Variants in ATRNL1 observed in about 807,000 individuals in gnomAD.
The protein encoded by ATRNL1 is attractin-like protein 1.
ATRNL1 carries 95 observed loss-of-function variants against 182.7 expected under a neutral mutation model. The ratio of observed to expected loss-of-function variants is 0.52; its 90% CI spans 0.44 to 0.62. The LOEUF (loss-of-function observed/expected upper bound fraction) is 0.62. ATRNL1 is among the 20% of genes least tolerant of loss of function. ATRNL1 has a pLI of 0.00. For missense variants in ATRNL1, 1,471 were observed against 1,679.5 expected (o/e 0.88, Z 2.17); for synonymous variants, 576 against 568.3 (o/e 1.01, Z -0.19).
intron 26 of ATRNL1, among the ~76,000 whole-genome samples, chr10:115,687,173 T>TA (rs782746951): frequency 2.0e-5 from 3 of 152,138 alleles, no homozygotes; most frequent in Non-Finnish European, 4.4e-5. Flanking sequence ...CATTATGCTA[T>TA]AATTATACAT....
At chr10:115,386,526 C>T (rs1426614225) in intron 19 of ATRNL1, among the ~76,000 whole-genome samples, 3 of 152,052 alleles carry the variant, frequency 2.0e-5, no homozygotes, top group African/African-American at 7.2e-5. Flanking sequence ...TAGTGAGACT[C>T]GCATTTATTC....
chr10:115,902,388 G>A (rs969341660), intron 28 of ATRNL1, among the ~76,000 whole-genome samples: 2 of 152,120 alleles, frequency 1.3e-5, no homozygotes, highest in Non-Finnish European at 2.9e-5. Context: ...AAGCCGCATA[G>A]TGTGGATGGC....
intron 21 of ATRNL1, among the ~76,000 whole-genome samples, chr10:115,445,402 G>A (rs567472528): frequency 4.1e-5 from 5 of 120,546 alleles, no homozygotes; most frequent in African/African-American, 1.6e-4. Context: ...CTGCACTCCA[G>A]CCTGGGTGAC....
chr10:115,303,843 C>G (rs571968863), intron 17 of ATRNL1, among the ~76,000 whole-genome samples: 1 of 152,242 alleles, frequency 6.6e-6, no homozygotes, highest in African/African-American at 2.4e-5. Flanking sequence ...ATAACAGCCA[C>G]TTGGAGTCTG....
intron 27 of ATRNL1, among the ~76,000 whole-genome samples, chr10:115,762,983 T>C (rs1198509664): frequency 6.6e-6 from 1 of 152,162 alleles, no homozygotes; most frequent in Non-Finnish European, 1.5e-5. Context: ...TGATCAGCAC[T>C]TTTTATGGCA....
intron 1 of ATRNL1, among the ~76,000 whole-genome samples, chr10:115,103,182 C>T (rs1196621321): frequency 3.2e-4 from 49 of 151,522 alleles, no homozygotes; most frequent in Admixed American, 2.2e-3. Context: ...GGATTACGGG[C>T]GCCCATCATC....
chr10:115,639,177 A>G (rs1859075599), intron 26 of ATRNL1, among the ~76,000 whole-genome samples: 1 of 152,210 alleles, frequency 6.6e-6, no homozygotes. Flanking sequence ...ACATATTGAC[A>G]CCAATTTGAA....
intron 1 of ATRNL1, among the ~76,000 whole-genome samples, chr10:115,108,106 A>G (rs1271270795): frequency 1.3e-5 from 2 of 152,160 alleles, no homozygotes; most frequent in Admixed American, 6.5e-5. Context: ...TGTTCTTTAC[A>G]TATACAAACT....
At chr10:115,440,783 A>G (rs1195398636) in intron 21 of ATRNL1, among the ~76,000 whole-genome samples, 1 of 151,820 alleles carries the variant, frequency 6.6e-6, no homozygotes, top group Non-Finnish European at 1.5e-5. Context: ...GGGGAAAAAA[A>G]AATCATATAG....
chr10:115,587,220 CT>C (rs1855575806), intron 26 of ATRNL1, among the ~76,000 whole-genome samples: 1 of 151,960 alleles, frequency 6.6e-6, no homozygotes, highest in Non-Finnish European at 1.5e-5. Flanking sequence ...TGTCTGTGCC[CT>C]GCCCCCAGAG....
chr10:115,587,041 G>A (rs1555010192), intron 26 of ATRNL1, among the ~76,000 whole-genome samples: 3 of 149,798 alleles, frequency 2.0e-5, no homozygotes, highest in Non-Finnish European at 3.0e-5. Context: ...CCCCTACTGG[G>A]GGGTGCCTCC....
chr10:115,477,192 C>A (rs1330030284), intron 24 of ATRNL1, among the ~76,000 whole-genome samples: 4 of 151,418 alleles, frequency 2.6e-5, no homozygotes, highest in Non-Finnish European at 4.4e-5. Flanking sequence ...TTTCTTCTCC[C>A]AAAATGAAAT....
chr10:115,781,203 C>G (rs1949256769), intron 27 of ATRNL1, among the ~76,000 whole-genome samples: 1 of 152,138 alleles, frequency 6.6e-6, no homozygotes, highest in East Asian at 1.9e-4. Context: ...CAAGCATCAC[C>G]AAATCCAAGC....
At chr10:115,358,961 T>C (rs1326016866) in intron 19 of ATRNL1, among the ~76,000 whole-genome samples, 4 of 151,662 alleles carry the variant, frequency 2.6e-5, no homozygotes, top group Non-Finnish European at 5.9e-5. Flanking sequence ...TATTATATAG[T>C]TTTTACTTCA....
chr10:115,565,721 A>T (rs1053911176), intron 26 of ATRNL1, among the ~76,000 whole-genome samples: 2 of 152,130 alleles, frequency 1.3e-5, no homozygotes, highest in Admixed American at 1.3e-4. Context: ...CAAACTATGT[A>T]AGATTATAAT....
At chr10:115,576,685 G>A (rs547312939) in intron 26 of ATRNL1, among the ~76,000 whole-genome samples, 3 of 151,918 alleles carry the variant, frequency 2.0e-5, no homozygotes, top group Non-Finnish European at 2.9e-5. Context: ...TCCATTAACT[G>A]CCCTTTTCTT....
intron 27 of ATRNL1, among the ~76,000 whole-genome samples, chr10:115,826,201 CA>C (rs199596851): frequency 2.9e-4 from 20 of 68,700 alleles, no homozygotes; most frequent in Non-Finnish European, 4.8e-4. Flanking sequence ...TATACTATCC[CA>C]TTTTTTTTTC....
chr10:115,813,957 A>G (rs1950107066), intron 27 of ATRNL1, among the ~76,000 whole-genome samples: 1 of 152,198 alleles, frequency 6.6e-6, no homozygotes. Context: ...GAAGAACTTT[A>G]TAAGTTATCT....
intron 26 of ATRNL1, among the ~76,000 whole-genome samples, chr10:115,593,047 C>A (rs1401652926): frequency 6.6e-6 from 1 of 152,162 alleles, no homozygotes; most frequent in Admixed American, 6.5e-5. Flanking sequence ...GTTCTGGAGC[C>A]TGAAAAGTTC....
Sources: gnomAD v4.1 joint callset for allele counts (sites outside exome capture counted in the v4.1 genomes callset) on GRCh38, gnomAD v4.1.1 for gene constraint, MANE v1.5 for transcripts, NCBI Gene and HGNC (gene_info 2026-07-23, HGNC 2026-07-21) for gene names.